Variants in ABCA13 observed in about 807,000 individuals in gnomAD.
ABCA13 encodes ATP binding cassette subfamily A member 13.
ABCA13 carries 476 observed loss-of-function variants against 478.7 expected under a neutral mutation model. The observed-to-expected ratio is 0.99, with a 90% CI of 0.92 to 1.07. The LOEUF (loss-of-function observed/expected upper bound fraction) is 1.07, where lower values mean the gene tolerates loss of function less well. Among genes scored for constraint, ABCA13 ranks in the 50% least tolerant of loss-of-function variants. The probability of loss-of-function intolerance (pLI) is 0.00; values close to 1 mark genes in which losing one functional copy is unlikely to be tolerated. For missense variants in ABCA13, 6,060 were observed against 5,910.6 expected (o/e 1.03, Z -0.83); for synonymous variants, 2,252 against 2,158.9 (o/e 1.04, Z -1.20).
chr7:48,206,478 C>T (rs1784937495), intron 3 of ABCA13, among the ~76,000 whole-genome samples: 1 of 152,108 alleles, frequency 6.6e-6, no homozygotes, highest in Admixed American at 6.6e-5. Context: ...GATGAAATTG[C>T]CTAAGAATGC....
chr7:48,243,557 G>A (rs2128669981), intron 10 of ABCA13, among the ~76,000 whole-genome samples: 1 of 152,354 alleles, frequency 6.6e-6, no homozygotes, highest in East Asian at 1.9e-4. Flanking sequence ...ATGGGTACCA[G>A]TTCCTGCTGG....
chr7:48,438,078 A>G (rs1823081684), intron 42 of ABCA13, among the ~76,000 whole-genome samples: 1 of 152,064 alleles, frequency 6.6e-6, no homozygotes, highest in South Asian at 2.1e-4. Flanking sequence ...TTAGATCTAA[A>G]CTATGCTCTT....
intron 5 of ABCA13, among the ~76,000 whole-genome samples, chr7:48,225,135 GCCTTCCTTCCTTCCTTCCTTCCTTCCTT>G (rs1202516045): frequency 1.4e-5 from 1 of 69,862 alleles, no homozygotes. Flanking sequence ...CTGCCTGCCT[GCCTTCCTTCCTTCCTTCCTTCCTTCCTT>G]CCTTCCTTCC....
Position 48,520,126 on chromosome 7 carries a change from G to T in ABCA13, c.13883G>T (p.Cys4628Phe), listed in dbSNP as rs1832438197. The T allele has an allele frequency of 6.2e-7, 1 of 1,613,608 alleles. No individual in the cohort carries two copies. Residue 4628 changes from cysteine (C) to phenylalanine (F), a missense_variant, in exon 53 of 62, where the codon TGC (cysteine) becomes TTC (phenylalanine). By Grantham distance (205) the Cys-to-Phe change is radical. This residue lies in a region of ABCA13 where 1,627 missense variants were observed against 1,571.0 expected (regional missense o/e 1.04). Coordinates refer to ENST00000435803, the MANE Select transcript of ABCA13 (RefSeq NM_152701.5). ...CTTGGTCAAGGACTGGTAGAACTCT[G>T]CTATAATCAGATCAAATATGACCTG... ...FCLGQGLVEL[C>F]YNQIKYDLTH...
intron 3 of ABCA13, among the ~76,000 whole-genome samples, chr7:48,201,301 T>C (rs1798672139): frequency 6.6e-6 from 1 of 152,194 alleles, no homozygotes; most frequent in African/African-American, 2.4e-5. Flanking sequence ...CCAAGATGTT[T>C]GATTATACTC....
intron 3 of ABCA13, among the ~76,000 whole-genome samples, chr7:48,218,318 C>T (rs1786803838): frequency 6.6e-6 from 1 of 152,062 alleles, no homozygotes; most frequent in South Asian, 2.1e-4. Flanking sequence ...AATATGAGGC[C>T]TCAGTAGAGA....
Position 48,313,242 on chromosome 7 carries a change from C to A in ABCA13, c.9681+11C>A. 6.3e-7 allele frequency: 1 copy of A among 1,599,030 alleles called. No individual in the cohort carries two copies. Among genetic ancestry groups the A allele is most frequent in the Non-Finnish European group, 8.5e-7 (1 of 1,172,866 alleles). ...CTGGACTTTCAACAGGTGTGTGTTT[C>A]ATCTTTGTCCCTAGGGAAATATTCA... On this transcript the variant is annotated intron_variant, in intron 25 of 61. Coordinates refer to ENST00000435803, the MANE Select transcript of ABCA13 (RefSeq NM_152701.5).
At chr7:48,489,599 C>A (rs1829661913) in intron 48 of ABCA13, among the ~76,000 whole-genome samples, 1 of 152,110 alleles carries the variant, frequency 6.6e-6, no homozygotes, top group Non-Finnish European at 1.5e-5. Flanking sequence ...CTGGAGAGTT[C>A]TCTCCTAAAA....
chr7:48,239,513 C>T (rs1790491124), intron 9 of ABCA13, 108 bp downstream of exon 9: 2 of 1,327,938 alleles, frequency 1.5e-6, no homozygotes, highest in Non-Finnish European at 1.0e-6. Context: ...TTATGTCCCT[C>T]CAAGGAAAGG....
chr7:48,637,380 G>GAAAAAAAAA (rs1794727558), intron 59 of ABCA13, among the ~76,000 whole-genome samples: 1 of 6,574 alleles, frequency 1.5e-4, no homozygotes, highest in African/African-American at 1.1e-3. Flanking sequence ...TGTTCATAAA[G>GAAAAAAAAA]CAAAAAAAAA....
chr7:48,242,718 C>T (rs1031602334), intron 10 of ABCA13, among the ~76,000 whole-genome samples: 8 of 152,190 alleles, frequency 5.3e-5, no homozygotes, highest in East Asian at 3.9e-4. Flanking sequence ...GAATTCCAGG[C>T]GTGAGCCACC....
chr7:48,614,834 A>G (rs907319188), intron 58 of ABCA13, among the ~76,000 whole-genome samples: 1 of 138,730 alleles, frequency 7.2e-6, no homozygotes, highest in Non-Finnish European at 1.5e-5. Flanking sequence ...GAATTGAACA[A>G]TGAGAACACA....
intron 31 of ABCA13, among the ~76,000 whole-genome samples, chr7:48,358,848 A>G (rs1810376141): frequency 6.6e-6 from 1 of 152,044 alleles, no homozygotes; most frequent in Admixed American, 6.5e-5. Context: ...GTATGACCTG[A>G]GAGTCTGAAT....
At chr7:48,204,401 G>A (rs2128927854) in intron 3 of ABCA13, among the ~76,000 whole-genome samples, 1 of 151,936 alleles carries the variant, frequency 6.6e-6, no homozygotes, top group African/African-American at 2.4e-5. Flanking sequence ...AGTAAAGAGG[G>A]GGTTTCACCA....
intron 28 of ABCA13, 81 bp from the exon 29 acceptor site, chr7:48,338,284 C>T: frequency 2.9e-6 from 3 of 1,045,048 alleles, no homozygotes; most frequent in Non-Finnish European, 3.9e-6. Flanking sequence ...TGTAATGAAA[C>T]TTTGAATAAG....
At chr7:48,472,264 C>T (rs915273076) in intron 45 of ABCA13, among the ~76,000 whole-genome samples, 6 of 152,116 alleles carry the variant, frequency 3.9e-5, no homozygotes, top group African/African-American at 9.7e-5. Flanking sequence ...GTTAATTGAG[C>T]ATCTGTAATG....
intron 2 of ABCA13, among the ~76,000 whole-genome samples, chr7:48,197,830 T>G (rs1798143057): frequency 6.6e-6 from 1 of 152,218 alleles, no homozygotes; most frequent in Non-Finnish European, 1.5e-5. Flanking sequence ...GAAGTTTTTT[T>G]GCCAAAACTA....
intron 58 of ABCA13, among the ~76,000 whole-genome samples, chr7:48,601,847 A>C (rs967807236): frequency 2.0e-5 from 3 of 152,208 alleles, no homozygotes. Context: ...CCACAGTGCA[A>C]AAGTGTTCCT....
intron 43 of ABCA13, among the ~76,000 whole-genome samples, chr7:48,461,186 G>A (rs1826201449): frequency 2.0e-5 from 3 of 152,220 alleles, no homozygotes; most frequent in African/African-American, 7.2e-5. Flanking sequence ...GGGATGGAGA[G>A]GATGTAGCAC....
Sources: gnomAD v4.1 joint callset for allele counts (sites outside exome capture counted in the v4.1 genomes callset) on GRCh38, gnomAD v4.1.1 for gene constraint, gnomAD v4.1.1 regional missense constraint, MANE v1.5 for transcripts, NCBI Gene and HGNC (gene_info 2026-07-23, HGNC 2026-07-21) for gene names.